The following CNTN3 variants were observed in gnomAD, a reference collection of about 807,000 sequenced individuals.
CNTN3 encodes the protein contactin-3.
A neutral mutation model predicts 119.1 loss-of-function variants in CNTN3; 60 were observed. The observed-to-expected ratio is 0.50, with a 90% CI of 0.41 to 0.62. CNTN3 has a LOEUF of 0.62. Among genes scored for constraint, CNTN3 ranks in the 20% least tolerant of loss-of-function variants. The pLI, the probability that CNTN3 is intolerant of heterozygous loss-of-function variation, is 0.00. For synonymous variants in CNTN3, 450 were observed against 438.7 expected (o/e 1.03, Z -0.32); for missense variants, 1,101 against 1,242.4 (o/e 0.89, Z 1.71).
At chr3:74,549,905 C>T (rs1477529231) in intron 1 of CNTN3, among the ~76,000 whole-genome samples, 1 of 152,142 alleles carries the variant, frequency 6.6e-6, no homozygotes, top group Non-Finnish European at 1.5e-5. Flanking sequence ...CAGGCACATG[C>T]CATCTGCAGT....
chr3:74,495,992 C>A (rs1703056228), intron 3 of CNTN3, among the ~76,000 whole-genome samples: 1 of 152,078 alleles, frequency 6.6e-6, no homozygotes, highest in South Asian at 2.1e-4. Context: ...CAAGCCTGGA[C>A]ATATTCATCT....
At chr3:74,594,295 T>TTTTTTTA (rs1704757194) in intron 1 of CNTN3, among the ~76,000 whole-genome samples, 5 of 146,004 alleles carry the variant, frequency 3.4e-5, no homozygotes, top group South Asian at 2.2e-4. Context: ...TTTTTTACTT[T>TTTTTTTA]TTTTTTAATT....
intron 1 of CNTN3, among the ~76,000 whole-genome samples, chr3:74,569,033 T>C (rs1309481226): frequency 6.6e-6 from 1 of 152,306 alleles, no homozygotes; most frequent in East Asian, 1.9e-4. Flanking sequence ...AGAGCAGTGC[T>C]CTGGGAGGGA....
chr3:74,305,459 A>G (rs2106825803), intron 13 of CNTN3, among the ~76,000 whole-genome samples: 1 of 152,306 alleles, frequency 6.6e-6, no homozygotes, highest in East Asian at 1.9e-4. Context: ...TTTTTACAAG[A>G]ATGTTTATAA....
rs778473765 is a variant in CNTN3, at chr3:74,362,018, C to T, written c.1236G>A (p.Lys412=). The change falls in exon 11 of 23, where the codon AAG becomes AAA. Residue 412 remains lysine, a synonymous_variant. Coordinates refer to ENST00000263665, the MANE Select transcript of CNTN3 (RefSeq NM_020872.3). ...KVVASAPDFS[K]NPMKKLVQVQ... Reference sequence around the variant, plus strand: ...CCTGAACCAACTTCTTCATTGGATTCTTTGAAAAATCTGGAGCAGAAGCTG... The same window carrying T: ...CCTGAACCAACTTCTTCATTGGATTTTTTGAAAAATCTGGAGCAGAAGCTG... 1 of 1,613,366 alleles carries T rather than the reference C, an allele frequency of 6.2e-7. No homozygotes were observed. The highest frequency in any genetic ancestry group is 2.2e-5 in the East Asian group (1 of 44,852).
intron 11 of CNTN3, among the ~76,000 whole-genome samples, chr3:74,349,828 G>A (rs1703773941): frequency 6.6e-6 from 1 of 152,138 alleles, no homozygotes; most frequent in African/African-American, 2.4e-5. Context: ...ATGACCAAAA[G>A]AATATGGTAT....
intron 5 of CNTN3, among the ~76,000 whole-genome samples, chr3:74,413,130 C>T (rs1029161021): frequency 1.8e-4 from 28 of 152,142 alleles, no homozygotes; most frequent in African/African-American, 6.8e-4. Context: ...CACCTGTGAA[C>T]AGCTTGCATA....
At chr3:74,358,159 A>G (rs1559561973) in intron 11 of CNTN3, among the ~76,000 whole-genome samples, 1 of 152,206 alleles carries the variant, frequency 6.6e-6, no homozygotes, top group African/African-American at 2.4e-5. Context: ...CTGTCCAAAA[A>G]GATAAAAACA....
At chr3:74,327,354 C>T (rs1304071827) in intron 13 of CNTN3, among the ~76,000 whole-genome samples, 1 of 151,874 alleles carries the variant, frequency 6.6e-6, no homozygotes, top group Non-Finnish European at 1.5e-5. Context: ...GTCTCGAACT[C>T]CTGACCTCAG....
intron 5 of CNTN3, among the ~76,000 whole-genome samples, chr3:74,377,068 CCAAA>C (rs997038825): frequency 8.6e-5 from 13 of 152,000 alleles, no homozygotes; most frequent in African/African-American, 1.7e-4. Context: ...ACTACAACCC[CCAAA>C]CAAATAGTGA....
chr3:74,335,274 A>T (rs371425586), intron 12 of CNTN3, among the ~76,000 whole-genome samples: 1 of 152,184 alleles, frequency 6.6e-6, no homozygotes, highest in Non-Finnish European at 1.5e-5. Flanking sequence ...TGTTTTCACC[A>T]ACTTTGACTA....
chr3:74,310,496 T>C (rs1045251392), intron 13 of CNTN3, among the ~76,000 whole-genome samples: 1 of 152,140 alleles, frequency 6.6e-6, no homozygotes, highest in African/African-American at 2.4e-5. Flanking sequence ...CAAGTTGGTA[T>C]TGGCTGTTGG....
intron 2 of CNTN3, among the ~76,000 whole-genome samples, chr3:74,500,182 C>T (rs1016498778): frequency 6.6e-6 from 1 of 151,954 alleles, no homozygotes; most frequent in African/African-American, 2.4e-5. Flanking sequence ...ATAAAATCGG[C>T]TTGGCATGCA....
chr3:74,305,391 A>G (rs1702542188), intron 13 of CNTN3, among the ~76,000 whole-genome samples: 2 of 152,172 alleles, frequency 1.3e-5, no homozygotes, highest in African/African-American at 4.8e-5. Flanking sequence ...TGACCCATCA[A>G]TTCCATTCCT....
chr3:74,264,832 G>C (rs598464), intron 22 of CNTN3, among the ~76,000 whole-genome samples: 3 of 152,022 alleles, frequency 2.0e-5, no homozygotes, highest in Middle Eastern at 3.4e-3. Flanking sequence ...AAATCACTAC[G>C]TGAACCTATC....
intron 5 of CNTN3, among the ~76,000 whole-genome samples, chr3:74,417,380 C>G (rs1053298461): frequency 6.6e-6 from 1 of 152,152 alleles, no homozygotes; most frequent in African/African-American, 2.4e-5. Context: ...GCAATACGCT[C>G]AGTTTTTCTC....
chr3:74,609,255 G>A (rs1407147663), intron 1 of CNTN3, among the ~76,000 whole-genome samples: 2 of 152,224 alleles, frequency 1.3e-5, no homozygotes, highest in African/African-American at 4.8e-5. Context: ...TGCAGTGGGT[G>A]TCCAGTGACC....
intron 20 of CNTN3, 44 bp downstream of exon 20, chr3:74,285,261 C>A: frequency 1.3e-6 from 2 of 1,533,332 alleles, no homozygotes; most frequent in South Asian, 1.2e-5. Context: ...CTTTTTAATG[C>A]AAACTATTTT....
At chr3:74,462,459 T>C (rs1702387247) in intron 4 of CNTN3, among the ~76,000 whole-genome samples, 1 of 152,098 alleles carries the variant, frequency 6.6e-6, no homozygotes, top group African/African-American at 2.4e-5. Context: ...AATGGGCTAC[T>C]GCCTAGAATA....
Sources: gnomAD v4.1 joint callset for allele counts (sites outside exome capture counted in the v4.1 genomes callset) on GRCh38, gnomAD v4.1.1 for gene constraint, MANE v1.5 for transcripts, NCBI Gene and HGNC (gene_info 2026-07-23, HGNC 2026-07-21) for gene names.